The following FAM76B variants were observed in gnomAD, a reference collection of about 807,000 sequenced individuals.
FAM76B encodes the protein family with sequence similarity 76 member B.
FAM76B carries 16 observed loss-of-function variants against 51.8 expected under a neutral mutation model. The ratio of observed to expected loss-of-function variants is 0.31; its 90% CI spans 0.21 to 0.47. The LOEUF (loss-of-function observed/expected upper bound fraction) is 0.47, where lower values mean the gene tolerates loss of function less well. FAM76B is among the 20% of genes least tolerant of loss of function. The pLI is 1.00. For synonymous variants in FAM76B, 166 were observed against 129.5 expected (o/e 1.28, Z -1.91); for missense variants, 342 against 392.6 (o/e 0.87, Z 1.09).
chr11:95,779,048 T>C, intron 7 of FAM76B, 91 bp from the exon 8 acceptor site: 3 of 1,594,042 alleles, frequency 1.9e-6, no homozygotes, highest in Non-Finnish European at 2.6e-6. Context: ...TCCACAAACA[T>C]CCTTAAGGCT....
intron 5 of FAM76B, among the ~76,000 whole-genome samples, chr11:95,780,871 C>T (rs756747744): frequency 6.6e-6 from 1 of 151,022 alleles, no homozygotes; most frequent in Non-Finnish European, 1.5e-5. Flanking sequence ...ACAAAATAGA[C>T]ATATATATAT....
rs771498007 is a variant in FAM76B, at chr11:95,771,427, A to G, written c.*134T>C. On this transcript the variant is annotated 3_prime_UTR_variant, in exon 10 of 10. Transcript: ENST00000358780. The stretch of plus-strand genomic sequence containing the variant: ...TTAAAAAATGCTGTATATCAATTAC[A>G]AAAGTGAACAGGAAACACACCAATT... The G allele has an allele frequency of 9.3e-5, 55 of 590,648 alleles. No individual in the cohort carries two copies. Among genetic ancestry groups the G allele is most frequent in the Non-Finnish European group, 1.5e-4 (51 of 337,902 alleles). 36.6% of individuals were successfully genotyped at this position (590,648 alleles called of 1,614,324 possible).
Position 95,778,903 on chromosome 11 carries a change from T to C in FAM76B, c.747A>G (p.Ile249Met). Reference sequence around the variant, plus strand: ...ACATCACTTCTTCTTTCAATTGACTTATAAGGACAAAATTGTCTGTTCCCC... The same window carrying C: ...ACATCACTTCTTCTTTCAATTGACTCATAAGGACAAAATTGTCTGTTCCCC... ...DSGGTDNFVLISQLKEEVMSL... is the reference protein window; with the variant it reads ...DSGGTDNFVLMSQLKEEVMSL... Residue 249 changes from isoleucine (I) to methionine (M), a missense_variant, in exon 8 of 10, where the codon ATA becomes ATG. Ile to Met is a conservative substitution (Grantham distance 10, BLOSUM62 1). Transcript: ENST00000358780. The C allele has an allele frequency of 6.2e-7, 1 of 1,610,928 alleles. No individual in the cohort carries two copies. Among genetic ancestry groups the C allele is most frequent in the Non-Finnish European group, 8.5e-7 (1 of 1,178,032 alleles).
In FAM76B at chr11:95,787,665, T is replaced by C. The variant is rs753251647; in HGVS notation, c.166A>G (p.Ile56Val). Reference sequence around the variant, plus strand: ...ACATTTTGAGCACACTTCTTACAAATTGTGTTAGTTTTGCTGAAAAATAAA... The same window carrying C: ...ACATTTTGAGCACACTTCTTACAAACTGTGTTAGTTTTGCTGAAAAATAAA... ...EFQQESKTNT[I>V]CKKCAQNVKQ... The change falls in exon 3 of 10, where the codon ATT becomes GTT. Residue 56 changes from isoleucine to valine, a missense_variant. By Grantham distance (29) the Ile-to-Val change is conservative. Around this residue, in one of 3 missense-constraint regions of FAM76B, gnomAD observed 96 missense variants for 94.7 expected, o/e 1.01. Transcript: ENST00000358780. 22 of 1,607,890 alleles carry C rather than the reference T, an allele frequency of 1.4e-5. No individual in the cohort carries two copies. Among genetic ancestry groups the C allele is most frequent in the African/African-American group, 2.7e-5 (2 of 74,836 alleles).
In FAM76B at chr11:95,789,618, G is replaced by C; in HGVS notation, c.-140C>G. The C allele has an allele frequency of 1.6e-6, 1 of 644,372 alleles. No individual in the cohort carries two copies. The highest frequency in any genetic ancestry group is 2.5e-6 in the Non-Finnish European group (1 of 397,646). The allele number at this position is 644,372 out of a possible 1,614,324, so 39.9% of individuals were successfully genotyped here. On this transcript the variant is annotated 5_prime_UTR_variant, in exon 1 of 10. Coordinates refer to ENST00000358780, the MANE Select transcript of FAM76B (RefSeq NM_144664.5). ...CTCGCGCCCACCAGGGCCTCGCCGC[G>C]AGAGCCCAGGGCCCCGCGGACGACG...
intron 2 of FAM76B, 43 bp downstream of exon 2, chr11:95,788,456 C>T (rs771158806): frequency 2.8e-6 from 4 of 1,445,432 alleles, no homozygotes; most frequent in South Asian, 1.2e-5. Flanking sequence ...TCCATAAAGA[C>T]AACACTTGTC....
chr11:95,769,792 ATC>A lies in FAM76B; in HGVS notation c.*1767_*1768del, dbSNP rs1189016892. On this transcript the variant is annotated 3_prime_UTR_variant, in exon 10 of 10. Coordinates refer to ENST00000358780, the MANE Select transcript of FAM76B (RefSeq NM_144664.5). ...AATTTAAGAAAATTATTACATGAAG[ATC>A]CCATAAAAATAAACTGGTTTAGTTT... 1 of 151,602 alleles carries A rather than the reference ATC, an allele frequency of 6.6e-6. No homozygotes were observed. Among genetic ancestry groups the A allele is most frequent in the Admixed American group, 6.6e-5 (1 of 15,186 alleles). 9.4% of individuals were successfully genotyped at this position (151,602 alleles called of 1,614,324 possible).
At position 95,779,847 on chromosome 11, in the gene FAM76B, A is replaced by C. The variant is rs367552500; in HGVS notation, c.611+32T>G. The stretch of plus-strand genomic sequence containing the variant: ...ATCACATTTATAAATATACATTTCA[A>C]AATACTTCAGAAAATACAGCAATGT... On this transcript the variant is annotated intron_variant, in intron 6 of 9. Transcript: ENST00000358780. The C allele has an allele frequency of 7.1e-5, 113 of 1,591,100 alleles. 1 individual carries two copies. The African/African-American group carries it at 1.4e-3, about 19-fold the overall frequency.
chr11:95,781,092 T>C (rs1106318), intron 5 of FAM76B, among the ~76,000 whole-genome samples: 12,506 of 151,586 alleles, frequency 0.083, 829 homozygotes, highest in African/African-American at 0.17. Context: ...TTTTTTTTTT[T>C]CCCACAAATT....
intron 1 of FAM76B, 23 bp downstream of exon 1, chr11:95,789,369 C>T: frequency 7.6e-6 from 12 of 1,575,330 alleles, no homozygotes; most frequent in Non-Finnish European, 8.6e-6. Context: ...ACCCATCCCG[C>T]CCGCCTCCCG....
rs1309058527 is a variant in FAM76B, at chr11:95,771,548, A to G, written c.*13T>C. 2 of 1,596,624 alleles carry G rather than the reference A, an allele frequency of 1.3e-6. No individual in the cohort carries two copies. The highest frequency in any genetic ancestry group is 2.2e-5 in the South Asian group (2 of 89,728). ...TTTACATTGTAAGAAGAAATGCTAAACAAATGACTTTCTCAAGGAGATGTT... is the reference window on the plus strand; with the variant it reads ...TTTACATTGTAAGAAGAAATGCTAAGCAAATGACTTTCTCAAGGAGATGTT... On this transcript the variant is annotated 3_prime_UTR_variant, in exon 10 of 10. Transcript: ENST00000358780.
At chr11:95,779,314 C>A in intron 7 of FAM76B, 1 of 515,426 alleles carries the variant, frequency 1.9e-6, no homozygotes, top group Non-Finnish European at 3.3e-6. Context: ...TAAAATATCA[C>A]AATTAGATTT....
rs769576234 is a variant in FAM76B at position 95,783,100 on chromosome 11, ATGATGGTGG to A, written c.519_527del (p.His178_His180del). On this transcript the variant is annotated inframe_deletion, in exon 5 of 10. Coordinates refer to ENST00000358780, the MANE Select transcript of FAM76B (RefSeq NM_144664.5). The stretch of plus-strand genomic sequence containing the variant: ...TACTGCTGTGACGATGGTGATGGTG[ATGATGGTGG>A]TGATGATGTTTTGGATGATGCTGGT... The A allele has an allele frequency of 1.9e-6, 3 of 1,613,304 alleles. No homozygotes were observed. Among genetic ancestry groups the A allele is most frequent in the East Asian group, 4.5e-5 (2 of 44,868 alleles).
At chr11:95,775,821 A>T in intron 9 of FAM76B, 101 bp downstream of exon 9, 1 of 604,234 alleles carries the variant, frequency 1.7e-6, no homozygotes, top group Middle Eastern at 4.6e-4. Flanking sequence ...TGCACCAACT[A>T]TGCACAAAAT....
In FAM76B at chr11:95,789,643, G is replaced by GCCA. The variant is rs1860893519; in HGVS notation, c.-168_-166dup. 1.8e-6 allele frequency: 1 copy of GCCA among 545,108 alleles called. No homozygotes were observed. The highest frequency in any genetic ancestry group is 3.1e-6 in the Non-Finnish European group (1 of 318,960). 33.8% of individuals were successfully genotyped at this position (545,108 alleles called of 1,614,324 possible). A position where few individuals can be genotyped will look rare whatever the true frequency, so the allele number is the denominator to read the frequency against. ...GAGAGCCCAGGGCCCCGCGGACGAC[G>GCCA]CCACCGTCTCCCTCCGCCTCCACTT... On this transcript the variant is annotated 5_prime_UTR_variant, in exon 1 of 10. Transcript: ENST00000358780.
chr11:95,775,079 C>G (rs1412453762), intron 9 of FAM76B, among the ~76,000 whole-genome samples: 1 of 150,908 alleles, frequency 6.6e-6, no homozygotes, highest in Non-Finnish European at 1.5e-5. Context: ...AGTCTGACGT[C>G]TGTGTGCTGC....
intron 8 of FAM76B, among the ~76,000 whole-genome samples, chr11:95,777,242 T>G (rs909713459): frequency 1.1e-4 from 16 of 151,430 alleles, no homozygotes; most frequent in Admixed American, 9.9e-4. Flanking sequence ...TAAGAAAAAG[T>G]TGCAAATGTA....
intron 1 of FAM76B, chr11:95,789,171 G>C: frequency 9.2e-7 from 1 of 1,091,468 alleles, no homozygotes; most frequent in South Asian, 1.6e-5. Context: ...CACCCTCCTG[G>C]GCCGCCTGGA....
At chr11:95,788,802 G>A (rs1860768340) in intron 1 of FAM76B, 2 of 1,466,974 alleles carry the variant, frequency 1.4e-6, no homozygotes, top group African/African-American at 1.4e-5. Flanking sequence ...AATTAAGAAA[G>A]CTGTCAGGGC....
Sources: allele counts gnomAD v4.1 joint callset (sites outside exome capture counted in the v4.1 genomes callset), GRCh38; gene constraint gnomAD v4.1.1; regional missense constraint gnomAD v4.1.1; transcripts MANE v1.5; gene names NCBI Gene and HGNC (gene_info 2026-07-23, HGNC 2026-07-21).